Variants in CSMD1 observed in about 807,000 individuals in gnomAD.
CSMD1 encodes the protein CUB and sushi domain-containing protein 1.
Under a neutral mutation model 417.5 loss-of-function variants are expected in CSMD1, and 213 were observed. The observed-to-expected ratio is 0.51, with a 90% CI of 0.46 to 0.57. CSMD1 has a LOEUF of 0.57. CSMD1 is among the 20% of genes least tolerant of loss of function. The pLI is 0.00. For missense variants in CSMD1, 6,923 were observed against 4,529.7 expected, an observed-to-expected ratio of 1.53 and a Z score of -15.17; for synonymous variants, 2,862 against 1,736.8, an observed-to-expected ratio of 1.65 and a Z score of -16.11.
intron 3 of CSMD1, among the ~76,000 whole-genome samples, chr8:4,243,567 G>C (rs1223182741): frequency 6.6e-6 from 1 of 152,126 alleles, no homozygotes; most frequent in Admixed American, 6.6e-5. Context: ...AAGCATATGA[G>C]TAAATAAGTT....
At chr8:3,751,118 A>G (rs1479624423) in intron 6 of CSMD1, among the ~76,000 whole-genome samples, 1 of 152,128 alleles carries the variant, frequency 6.6e-6, no homozygotes, top group Non-Finnish European at 1.5e-5. Context: ...GTGGTAATGA[A>G]AAAAAGGTAA....
chr8:4,263,786 A>G (rs111811262), intron 3 of CSMD1, among the ~76,000 whole-genome samples: 10 of 152,308 alleles, frequency 6.6e-5, no homozygotes, highest in African/African-American at 1.9e-4. Context: ...CTTTACTCCA[A>G]TTGTGACTGG....
chr8:4,310,368 G>C (rs4875326), intron 3 of CSMD1, among the ~76,000 whole-genome samples: 96,054 of 151,650 alleles, frequency 0.63, 31,336 homozygotes, highest in East Asian at 0.86. Flanking sequence ...AGGGTTCACA[G>C]ACAGTGTTTC....
intron 3 of CSMD1, among the ~76,000 whole-genome samples, chr8:4,312,839 A>G (rs1161118029): frequency 2.6e-5 from 4 of 152,160 alleles, no homozygotes; most frequent in Admixed American, 6.5e-5. Flanking sequence ...GCGCCAGGCA[A>G]GGCGGTAAGA....
At chr8:3,179,149 G>C (rs542990737) in intron 37 of CSMD1, among the ~76,000 whole-genome samples, 12 of 151,164 alleles carry the variant, frequency 7.9e-5, no homozygotes, top group Non-Finnish European at 1.8e-4. Context: ...GTTTCAACGT[G>C]TTAGCCAGGA....
At chr8:4,537,607 C>A (rs945402468) in intron 2 of CSMD1, among the ~76,000 whole-genome samples, 2 of 152,160 alleles carry the variant, frequency 1.3e-5, no homozygotes, top group African/African-American at 2.4e-5. Context: ...CTCGGACCTA[C>A]TGTTATCTGA....
chr8:3,159,881 C>G (rs1270098880), intron 38 of CSMD1, among the ~76,000 whole-genome samples: 2 of 152,124 alleles, frequency 1.3e-5, no homozygotes, highest in African/African-American at 2.4e-5. Flanking sequence ...GTCATAATAT[C>G]ATTTATAAAA....
intron 4 of CSMD1, 97 bp downstream of exon 4, chr8:4,031,808 G>T: frequency 1.1e-6 from 1 of 900,052 alleles, no homozygotes; most frequent in East Asian, 2.7e-5. Flanking sequence ...AGCTCAACAT[G>T]TATTATTTTC....
At chr8:3,671,924 C>T (rs572842370) in intron 7 of CSMD1, among the ~76,000 whole-genome samples, 1 of 152,194 alleles carries the variant, frequency 6.6e-6, no homozygotes, top group South Asian at 2.1e-4. Context: ...CGTTAGCCTG[C>T]TGGTCATTTT....
At chr8:4,548,255 T>C (rs571189305) in intron 2 of CSMD1, among the ~76,000 whole-genome samples, 10 of 152,304 alleles carry the variant, frequency 6.6e-5, no homozygotes, top group African/African-American at 1.2e-4. Context: ...AATGAAGTTA[T>C]CTTTATGAAA....
In CSMD1 at chr8:4,691,372, G is replaced by A. The variant is rs539049116; in HGVS notation, c.86-53814C>T. ...CAAAGTCACTGGGCCCACTCACCTAGATAGACACCTATTACTAAAGCAACC... is the reference window on the plus strand; with the variant it reads ...CAAAGTCACTGGGCCCACTCACCTAAATAGACACCTATTACTAAAGCAACC... On this transcript the variant is annotated intron_variant, in intron 1 of 69. Coordinates refer to ENST00000635120, the MANE Select transcript of CSMD1 (RefSeq NM_033225.6). Among the ~76,000 whole-genome samples, 32 of 152,246 alleles carry A rather than the reference G, an allele frequency of 2.1e-4. 1 individual carries two copies. The South Asian group carries it at 6.6e-3, about 32-fold the overall frequency.
intron 28 of CSMD1, among the ~76,000 whole-genome samples, chr8:3,220,144 C>T (rs529344911): frequency 1.7e-4 from 14 of 80,470 alleles, no homozygotes; most frequent in Non-Finnish European, 1.3e-4. Context: ...CAGAACAAGA[C>T]CCTGTCAAAA....
At chr8:4,225,503 C>CTTTTTTTTTTTTTTTTTTTTTTTTTTT (rs11356680) in intron 3 of CSMD1, among the ~76,000 whole-genome samples, 1 of 141,720 alleles carries the variant, frequency 7.1e-6, no homozygotes. Flanking sequence ...CAACTCATCA[C>CTTTTTTTTTTTTTTTTTTTTTTTTTTT]TTTTTTTTTT....
intron 5 of CSMD1, among the ~76,000 whole-genome samples, chr8:3,937,228 T>G (rs987918652): frequency 6.6e-6 from 1 of 152,172 alleles, no homozygotes; most frequent in Non-Finnish European, 1.5e-5. Context: ...TGTGATTATT[T>G]CATAAACTCA....
At chr8:3,764,743 T>C (rs79988159) in intron 5 of CSMD1, among the ~76,000 whole-genome samples, 3,038 of 56,928 alleles carry the variant, frequency 0.053, 119 homozygotes, top group African/African-American at 0.12. Context: ...CTCTTTCTTT[T>C]TTTTTTTTTT....
chr8:3,071,301 T>C (rs1813307432), intron 49 of CSMD1, among the ~76,000 whole-genome samples: 1 of 151,980 alleles, frequency 6.6e-6, no homozygotes. Flanking sequence ...AGATGAACAA[T>C]GAGAACACAT....
At chr8:3,527,501 C>T (rs976086019) in intron 10 of CSMD1, among the ~76,000 whole-genome samples, 1 of 152,092 alleles carries the variant, frequency 6.6e-6, no homozygotes, top group African/African-American at 2.4e-5. Context: ...CAGGGGAGGT[C>T]TGCCTGGTGA....
intron 2 of CSMD1, among the ~76,000 whole-genome samples, chr8:4,430,901 G>C (rs914916813): frequency 6.6e-6 from 1 of 152,112 alleles, no homozygotes; most frequent in African/African-American, 2.4e-5. Context: ...CTCCTGAATG[G>C]TAAGGATCCA....
At chr8:4,411,716 G>A (rs1271174460) in intron 3 of CSMD1, among the ~76,000 whole-genome samples, 1 of 152,084 alleles carries the variant, frequency 6.6e-6, no homozygotes, top group African/African-American at 2.4e-5. Flanking sequence ...ATATATATAT[G>A]TGTGCTATGT....
Sources: allele counts gnomAD v4.1 joint callset (sites outside exome capture counted in the v4.1 genomes callset), GRCh38; gene constraint gnomAD v4.1.1; transcripts MANE v1.5; gene names NCBI Gene and HGNC (gene_info 2026-07-23, HGNC 2026-07-21).